RASGEF1A: variants seen among roughly 807,000 people sequenced by gnomAD.
The protein encoded by RASGEF1A is ras-GEF domain-containing family member 1A.
RASGEF1A carries 18 observed loss-of-function variants against 56.4 expected under a neutral mutation model. That is an observed-to-expected ratio of 0.32 (90% CI 0.22 to 0.47). The LOEUF (loss-of-function observed/expected upper bound fraction) is 0.47, where lower values mean the gene tolerates loss of function less well. Among genes scored for constraint, RASGEF1A ranks in the 20% least tolerant of loss-of-function variants. The pLI, the probability that RASGEF1A is intolerant of heterozygous loss-of-function variation, is 1.00. For synonymous variants in RASGEF1A, 245 were observed against 242.6 expected (o/e 1.01, Z -0.09); for missense variants, 422 against 627.1 (o/e 0.67, Z 3.49).
intron 7 of RASGEF1A, 104 bp from the exon 8 acceptor site, chr10:43,199,298 C>T (rs1839854361): frequency 1.3e-5 from 11 of 859,132 alleles, no homozygotes; most frequent in Non-Finnish European, 1.9e-5. Context: ...CGGGACTTAG[C>T]TTCTGGCCAC....
chr10:43,257,657 G>A lies in RASGEF1A; in HGVS notation c.-7+9188C>T, dbSNP rs1040390387. Among the ~76,000 whole-genome samples, 6 of 152,230 alleles carry A rather than the reference G, an allele frequency of 3.9e-5. No homozygotes were observed. In the East Asian group the frequency reaches 1.2e-3, roughly 29 times the overall value. On this transcript the variant is annotated intron_variant, in intron 1 of 12. Coordinates refer to ENST00000395810, the MANE Select transcript of RASGEF1A (RefSeq NM_145313.4). Reference sequence around the variant, plus strand: ...CAGCGATGGGCAACAACAGGGTCCAGGGTCCCGTCAGCGGTGCCCTCCCCA... The same window carrying A: ...CAGCGATGGGCAACAACAGGGTCCAAGGTCCCGTCAGCGGTGCCCTCCCCA...
chr10:43,197,409 A>G (rs921464115), intron 10 of RASGEF1A, among the ~76,000 whole-genome samples: 3 of 152,152 alleles, frequency 2.0e-5, no homozygotes, highest in Admixed American at 2.0e-4. Flanking sequence ...TGAGGCAGGC[A>G]CCCCATCCAA....
intron 1 of RASGEF1A, among the ~76,000 whole-genome samples, chr10:43,265,452 C>G (rs1442046194): frequency 6.6e-6 from 1 of 152,256 alleles, no homozygotes; most frequent in African/African-American, 2.4e-5. Context: ...CTGCACCCGC[C>G]TCGCTGGGTC....
chr10:43,230,334 G>A (rs1840349320), intron 1 of RASGEF1A, among the ~76,000 whole-genome samples: 2 of 152,176 alleles, frequency 1.3e-5, no homozygotes, highest in East Asian at 1.9e-4. Context: ...GCTGATCCGA[G>A]CCGCAGCGAG....
intron 1 of RASGEF1A, among the ~76,000 whole-genome samples, chr10:43,235,756 G>A (rs73256094): frequency 2.7e-3 from 412 of 152,298 alleles, no homozygotes; most frequent in African/African-American, 9.4e-3. Context: ...AGTGGAGAAC[G>A]CATCCAGGGA....
chr10:43,242,871 C>T (rs1484128927), intron 1 of RASGEF1A, among the ~76,000 whole-genome samples: 3 of 152,178 alleles, frequency 2.0e-5, no homozygotes, highest in Non-Finnish European at 4.4e-5. Context: ...GGCGTGATCT[C>T]GGCTCACTAC....
intron 1 of RASGEF1A, among the ~76,000 whole-genome samples, chr10:43,216,482 G>A (rs1840138740): frequency 6.6e-6 from 1 of 152,254 alleles, no homozygotes; most frequent in African/African-American, 2.4e-5. Context: ...GTGCTTGTTT[G>A]AGTGTATGGG....
At chr10:43,266,483 C>A (rs971274663) in intron 1 of RASGEF1A, among the ~76,000 whole-genome samples, 3 of 151,726 alleles carry the variant, frequency 2.0e-5, no homozygotes, top group Non-Finnish European at 4.4e-5. Flanking sequence ...CCACGCCAGG[C>A]CCCGGGCAGC....
intron 5 of RASGEF1A, 56 bp downstream of exon 5, chr10:43,200,611 G>A (rs1839879112): frequency 1.3e-6 from 2 of 1,491,172 alleles, no homozygotes; most frequent in South Asian, 1.2e-5. Context: ...TGTGCTGAAA[G>A]AGGCACTGTG....
intron 1 of RASGEF1A, among the ~76,000 whole-genome samples, chr10:43,211,164 C>G (rs1840064265): frequency 6.6e-6 from 1 of 152,208 alleles, no homozygotes; most frequent in Non-Finnish European, 1.5e-5. Context: ...GCGCCTCACT[C>G]CCTTCTCACC....
chr10:43,209,636 A>G (rs560377370), intron 1 of RASGEF1A, among the ~76,000 whole-genome samples: 4 of 152,210 alleles, frequency 2.6e-5, no homozygotes, highest in Admixed American at 2.6e-4. Context: ...TGCTTATTCT[A>G]GACACACTGG....
intron 1 of RASGEF1A, among the ~76,000 whole-genome samples, chr10:43,211,974 C>T (rs942749792): frequency 1.3e-5 from 2 of 152,188 alleles, no homozygotes; most frequent in Non-Finnish European, 2.9e-5. Flanking sequence ...GTATGTGGTT[C>T]TGTGCCACCC....
intron 1 of RASGEF1A, among the ~76,000 whole-genome samples, chr10:43,247,814 C>T (rs1840583361): frequency 6.6e-6 from 1 of 152,148 alleles, no homozygotes; most frequent in South Asian, 2.1e-4. Flanking sequence ...ATAATCCCAG[C>T]ACTTTGGGAG....
intron 1 of RASGEF1A, among the ~76,000 whole-genome samples, chr10:43,261,766 C>G (rs1836532499): frequency 6.6e-6 from 1 of 152,196 alleles, no homozygotes; most frequent in Non-Finnish European, 1.5e-5. Context: ...TCACCCAGAG[C>G]CTGGCTCGGG....
chr10:43,208,264 T>G, intron 1 of RASGEF1A: 1 of 985,434 alleles, frequency 1.0e-6, no homozygotes, highest in Non-Finnish European at 1.2e-6. Context: ...GCCACTGGCC[T>G]CTCCCACTGC....
intron 1 of RASGEF1A, among the ~76,000 whole-genome samples, chr10:43,231,747 C>G (rs1025163248): frequency 1.3e-5 from 2 of 152,234 alleles, no homozygotes; most frequent in East Asian, 3.8e-4. Context: ...CCTGAGGATG[C>G]GAGGAGGCTG....
chr10:43,203,441 G>A (rs751832696), intron 2 of RASGEF1A, 21 bp from the exon 3 acceptor site: 122 of 1,508,730 alleles, frequency 8.1e-5, no homozygotes, highest in Middle Eastern at 3.9e-4. Flanking sequence ...GAGACGGAGA[G>A]AGGGCGGAGG....
chr10:43,229,803 G>A (rs1840337307), intron 1 of RASGEF1A: 1 of 1,206,388 alleles, frequency 8.3e-7, no homozygotes, highest in Non-Finnish European at 1.1e-6. Context: ...CGGAAGCAGG[G>A]AACCGAGGGG....
Position 43,234,718 on chromosome 10 carries a change from G to A in RASGEF1A, c.-6-28596C>T, listed in dbSNP as rs111601789. ...GGGTCCAAACCCTGAAGGTGATGGC[G>A]CATACCTCTCTATCCTCTCCAGGGC... On this transcript the variant is annotated intron_variant, in intron 1 of 12. Transcript: ENST00000395810. Among the ~76,000 whole-genome samples, 727 of 152,330 alleles carry A rather than the reference G, an allele frequency of 4.8e-3. 5 individuals are homozygous for A. The highest frequency in any genetic ancestry group is 8.3e-3 in the Non-Finnish European group (563 of 68,018).
Sources: allele counts gnomAD v4.1 joint callset (sites outside exome capture counted in the v4.1 genomes callset), GRCh38; gene constraint gnomAD v4.1.1; transcripts MANE v1.5; gene names NCBI Gene and HGNC (gene_info 2026-07-23, HGNC 2026-07-21).